Variants in CELF2 observed in about 807,000 individuals in gnomAD.
CELF2 encodes CUGBP Elav-like family member 2, also known as CUG triplet repeat RNA-binding protein 2.
A neutral mutation model predicts 62.6 loss-of-function variants in CELF2; 8 were observed. The observed-to-expected ratio is 0.13, with a 90% CI of 0.07 to 0.23. The LOEUF (loss-of-function observed/expected upper bound fraction) is 0.23, where lower values mean the gene tolerates loss of function less well. Among genes scored for constraint, CELF2 ranks in the 10% least tolerant of loss-of-function variants. CELF2 has a pLI of 1.00. For missense variants in CELF2, 333 were observed against 671.0 expected (o/e 0.50, Z 5.56); for synonymous variants, 258 against 250.0 (o/e 1.03, Z -0.30).
chr10:10,848,713 G>C (rs987704179), intron 1 of CELF2, among the ~76,000 whole-genome samples: 5 of 152,156 alleles, frequency 3.3e-5, no homozygotes, highest in Non-Finnish European at 7.3e-5. Flanking sequence ...GCCAGCGTGG[G>C]AGATGGAGAA....
In CELF2 at chr10:11,110,490, T is replaced by C. The variant is rs2054853274; in HGVS notation, c.75-54996T>C. Among the ~76,000 whole-genome samples the C allele has an allele frequency of 6.6e-6, 1 of 152,202 alleles. No individual in the cohort carries two copies. The highest frequency in any genetic ancestry group is 2.4e-5 in the African/African-American group (1 of 41,450). On this transcript the variant is annotated intron_variant, in intron 1 of 12. Coordinates refer to ENST00000633077, the MANE Select transcript of CELF2 (RefSeq NM_001326342.2). The surrounding 1 kb of genome is among the most constrained non-coding windows in gnomAD (Gnocchi z 4.0). ...ACAAAGCTTCTGCTTATTTTTCTGC[T>C]TCGTCTAAACACTGCTAGATTGATG...
chr10:11,079,217 C>T (rs937537087), intron 1 of CELF2, among the ~76,000 whole-genome samples: 3 of 152,142 alleles, frequency 2.0e-5, no homozygotes, highest in African/African-American at 7.2e-5. Context: ...GTATAAATTT[C>T]ATACGTTTTT....
At chr10:11,303,958 A>G (rs1161987645) in intron 9 of CELF2, among the ~76,000 whole-genome samples, 1 of 152,244 alleles carries the variant, frequency 6.6e-6, no homozygotes, top group Admixed American at 6.5e-5. Flanking sequence ...AATGAGCAGC[A>G]CGTGGCAAGC....
the CELF2 span, among the ~76,000 whole-genome samples, chr10:10,609,127 C>T: frequency 3.6e-3 from 545 of 152,228 alleles, no homozygotes; most frequent in Middle Eastern, 6.8e-3. Context: ...TCTTAGTGTT[C>T]GTCTAGTGTA....
chr10:11,095,449 G>A (rs1181909118), intron 1 of CELF2, among the ~76,000 whole-genome samples: 1 of 152,124 alleles, frequency 6.6e-6, no homozygotes, highest in Non-Finnish European at 1.5e-5. Context: ...CCCGGCATTC[G>A]GCATGTTTTC....
In CELF2 at chr10:11,165,292, T is replaced by A; in HGVS notation, c.75-194T>A. 7.1e-7 allele frequency: 1 copy of A among 1,399,006 alleles called. No individual in the cohort carries two copies. The highest frequency in any genetic ancestry group is 9.3e-7 in the Non-Finnish European group (1 of 1,078,350). 86.7% of individuals were successfully genotyped at this position (1,399,006 alleles called of 1,614,324 possible). A position where few individuals can be genotyped will look rare whatever the true frequency, so the allele number is the denominator to read the frequency against. On this transcript the variant is annotated intron_variant, in intron 1 of 12. Coordinates refer to ENST00000633077, the MANE Select transcript of CELF2 (RefSeq NM_001326342.2). This position sits in a 1 kb window ranked among gnomAD's most constrained non-coding sequence, Gnocchi z 7.4. ...TCGACAGCAGCACGCAGTGAGAGCC[T>A]CGCCGCCGCCGAGGAGCAACTCATG...
In CELF2 at chr10:10,911,748, A is replaced by G. The variant is rs191555763; in HGVS notation, c.54-8216A>G. On this transcript the variant is annotated intron_variant, in intron 1 of 13. Coordinates refer to the CELF2 transcript ENST00000636488. ...GACTTTATCTTGAAATCTGAGAGGT[A>G]GAGAAAGTTTCGTTCCTATGAATGT... 4.7e-3 allele frequency among the ~76,000 whole-genome samples: 712 copies of G among 152,368 alleles called. 12 individuals carry two copies. Among genetic ancestry groups the G allele is most frequent in the African/African-American group, 0.016 (683 of 41,594 alleles).
chr10:10,694,184 T>C, the CELF2 span, among the ~76,000 whole-genome samples: 3 of 152,064 alleles, frequency 2.0e-5, no homozygotes, highest in Non-Finnish European at 4.4e-5. Context: ...CTGCTTTCAA[T>C]GCGTCCCAGA....
chr10:10,500,544 T>G, the CELF2 span, among the ~76,000 whole-genome samples: 1 of 152,192 alleles, frequency 6.6e-6, no homozygotes, highest in Non-Finnish European at 1.5e-5. Context: ...TGCCGCCATG[T>G]AAGACATGCC....
intron 2 of CELF2, among the ~76,000 whole-genome samples, chr10:10,927,893 A>G (rs536513222): frequency 1.3e-5 from 2 of 152,238 alleles, no homozygotes; most frequent in South Asian, 4.2e-4. Flanking sequence ...CATCCATCAA[A>G]ATATTGTTTT....
At chr10:10,991,812 G>A (rs1393176850) in intron 2 of CELF2, among the ~76,000 whole-genome samples, 2 of 152,056 alleles carry the variant, frequency 1.3e-5, no homozygotes, top group Non-Finnish European at 2.9e-5. Context: ...TCCCATAATT[G>A]TGCACAGATC....
the CELF2 span, among the ~76,000 whole-genome samples, chr10:10,471,488 A>G: frequency 1.3e-5 from 2 of 151,780 alleles, no homozygotes; most frequent in Non-Finnish European, 2.9e-5. Context: ...ATTATAAAGT[A>G]TCCCTCTTTT....
the CELF2 span, among the ~76,000 whole-genome samples, chr10:10,744,038 T>A: frequency 1.3e-5 from 2 of 152,184 alleles, no homozygotes; most frequent in Non-Finnish European, 2.9e-5. Context: ...TGAATTGTTT[T>A]TGAGCTAATT....
At chr10:10,634,919 C>A in the CELF2 span, among the ~76,000 whole-genome samples, 8 of 152,268 alleles carry the variant, frequency 5.3e-5, no homozygotes, top group East Asian at 1.5e-3. Context: ...TGCTGTGGGT[C>A]AAGGTGATTC....
intron 1 of CELF2, among the ~76,000 whole-genome samples, chr10:11,138,161 A>ATTCC: frequency 1.3e-5 from 2 of 152,234 alleles, no homozygotes; most frequent in Non-Finnish European, 2.9e-5. Context: ...ATGGAAACAG[A>ATTCC]ATATAGCAAT....
Position 11,300,252 on chromosome 10 carries a change from T to C in CELF2, c.976+11700T>C, listed in dbSNP as rs2093592702. 6.6e-6 allele frequency among the ~76,000 whole-genome samples: 1 copy of C among 152,178 alleles called. No individual in the cohort carries two copies. On this transcript the variant is annotated intron_variant, in intron 9 of 12. Coordinates refer to ENST00000633077, the MANE Select transcript of CELF2 (RefSeq NM_001326342.2). The surrounding 1 kb of genome is among the most constrained non-coding windows in gnomAD (Gnocchi z 5.5). ...GCCCCTCACTTCCCCGCCTTCCACA[T>C]GTGTGCCACCGTACAATAAAGCCTC...
intron 1 of CELF2, among the ~76,000 whole-genome samples, chr10:11,067,814 G>A (rs2068573336): frequency 6.6e-6 from 1 of 152,104 alleles, no homozygotes; most frequent in Non-Finnish European, 1.5e-5. Flanking sequence ...TGAGACCCTG[G>A]GCAAGTTATT....
At chr10:10,733,407 G>A in the CELF2 span, among the ~76,000 whole-genome samples, 4 of 152,086 alleles carry the variant, frequency 2.6e-5, no homozygotes, top group Non-Finnish European at 4.4e-5. Flanking sequence ...AAGCATGTGG[G>A]AAATGGCAAG....
intron 1 of CELF2, among the ~76,000 whole-genome samples, chr10:11,134,242 C>G (rs550428699): frequency 1.3e-5 from 2 of 152,310 alleles, no homozygotes; most frequent in Admixed American, 1.3e-4. Context: ...TGCAAAGGGG[C>G]AGGGGCCCTG....
Sources: gnomAD v4.1 joint callset for allele counts (sites outside exome capture counted in the v4.1 genomes callset) on GRCh38, gnomAD v4.1.1 for gene constraint, Gnocchi (gnomAD v3.1) non-coding constraint, MANE v1.5 for transcripts, NCBI Gene and HGNC (gene_info 2026-07-23, HGNC 2026-07-21) for gene names.